The following NBEA variants were observed in gnomAD, a reference collection of about 807,000 sequenced individuals.
The protein encoded by NBEA is lysosomal-trafficking regulator 2.
Under a neutral mutation model 343.4 loss-of-function variants are expected in NBEA, and 44 were observed. The observed-to-expected ratio is 0.13, with a 90% CI of 0.10 to 0.16. The LOEUF (loss-of-function observed/expected upper bound fraction) is 0.16, where lower values mean the gene tolerates loss of function less well. Ranked by LOEUF, NBEA falls within the 10% of genes least tolerant of loss-of-function variation. The probability of loss-of-function intolerance (pLI) is 1.00; values close to 1 mark genes in which losing one functional copy is unlikely to be tolerated. For synonymous variants in NBEA, 1,175 were observed against 1,238.7 expected (o/e 0.95, Z 1.08); for missense variants, 2,555 against 3,631.3 (o/e 0.70, Z 7.62).
At chr13:35,572,959 A>G (rs972219668) in intron 45 of NBEA, among the ~76,000 whole-genome samples, 4 of 152,232 alleles carry the variant, frequency 2.6e-5, no homozygotes, top group Non-Finnish European at 4.4e-5. Context: ...AGTATGGGCA[A>G]AACTACTAGG....
intron 38 of NBEA, among the ~76,000 whole-genome samples, chr13:35,427,545 T>G (rs2044775737): frequency 3.3e-5 from 5 of 152,286 alleles, no homozygotes; most frequent in Admixed American, 1.3e-4. Flanking sequence ...CCGCCCCTAC[T>G]GGGGGGTGCC....
intron 33 of NBEA, among the ~76,000 whole-genome samples, chr13:35,211,437 A>T (rs2073764572): frequency 6.6e-6 from 1 of 152,160 alleles, no homozygotes; most frequent in Non-Finnish European, 1.5e-5. Flanking sequence ...AGTGCATGTT[A>T]CTATTTCCGG....
At chr13:35,284,375 A>G (rs532610835) in intron 34 of NBEA, among the ~76,000 whole-genome samples, 1 of 152,222 alleles carries the variant, frequency 6.6e-6, no homozygotes, top group Admixed American at 6.5e-5. Flanking sequence ...TTTTTTTGTT[A>G]AAATTTATAA....
intron 56 of NBEA, 56 bp from the exon 57 acceptor site, chr13:35,667,318 T>A: frequency 1.4e-6 from 2 of 1,436,836 alleles, no homozygotes. Flanking sequence ...TGGTGGGAGC[T>A]AGTATGTCGT....
intron 40 of NBEA, among the ~76,000 whole-genome samples, chr13:35,468,120 C>T (rs1277543121): frequency 1.4e-5 from 2 of 139,192 alleles, no homozygotes; most frequent in African/African-American, 5.6e-5. Context: ...CCCCCCCCCA[C>T]TCCCCTCCCC....
intron 41 of NBEA, among the ~76,000 whole-genome samples, chr13:35,517,493 T>C (rs2077529038): frequency 6.6e-6 from 1 of 152,212 alleles, no homozygotes; most frequent in Non-Finnish European, 1.5e-5. Context: ...TTTTAAAAGA[T>C]GTCGTGATTC....
intron 40 of NBEA, among the ~76,000 whole-genome samples, chr13:35,460,177 C>G (rs1364151702): frequency 6.6e-6 from 1 of 151,996 alleles, no homozygotes; most frequent in Non-Finnish European, 1.5e-5. Flanking sequence ...CAGAATTTTC[C>G]CCGTATTTTT....
intron 34 of NBEA, among the ~76,000 whole-genome samples, chr13:35,277,724 A>G (rs2034721161): frequency 6.6e-6 from 1 of 151,778 alleles, no homozygotes; most frequent in South Asian, 2.1e-4. Context: ...CACATATTCT[A>G]AAGGAAAAAA....
At chr13:34,983,345 A>T (rs2060427032) in intron 1 of NBEA, among the ~76,000 whole-genome samples, 1 of 152,184 alleles carries the variant, frequency 6.6e-6, no homozygotes, top group East Asian at 1.9e-4. Context: ...CCTGCAAAGG[A>T]CATGAACTCA....
intron 38 of NBEA, among the ~76,000 whole-genome samples, chr13:35,369,371 C>T (rs942103884): frequency 7.9e-5 from 12 of 151,606 alleles, no homozygotes; most frequent in Admixed American, 7.3e-4. Context: ...TCTATTCAAG[C>T]TCTTTTAGGG....
At chr13:35,171,543 A>T in intron 26 of NBEA, 91 bp downstream of exon 26, 1 of 1,006,384 alleles carries the variant, frequency 9.9e-7, no homozygotes. Context: ...TAATGATATA[A>T]GTTGATGATT....
In NBEA at chr13:35,068,506, T is replaced by G. The variant is rs569706222; in HGVS notation, c.1240-1402T>G. 2.0e-5 allele frequency among the ~76,000 whole-genome samples: 3 copies of G among 152,310 alleles called. No individual in the cohort carries two copies. The South Asian group carries it at 6.2e-4, about 32-fold the overall frequency. ...CTGTGTGTTTTAATTCAGTCACTGT[T>G]TTTTTGAATGCAGGTATGCTGAGTT... On this transcript the variant is annotated intron_variant, in intron 8 of 58. Coordinates refer to ENST00000379939, the MANE Select transcript of NBEA (RefSeq NM_001385012.1).
chr13:35,641,293 T>C (rs7998303), intron 49 of NBEA, among the ~76,000 whole-genome samples: 11,397 of 152,138 alleles, frequency 0.075, 512 homozygotes, highest in African/African-American at 0.12. Context: ...CTAAACTTAC[T>C]CCTACCCTAT....
chr13:34,968,711 T>A (rs1252103914), intron 1 of NBEA, among the ~76,000 whole-genome samples: 1 of 152,198 alleles, frequency 6.6e-6, no homozygotes, highest in Non-Finnish European at 1.5e-5. Context: ...ACATTTGAAC[T>A]GTTTCTTCTA....
At chr13:35,247,738 A>C (rs150078314) in intron 34 of NBEA, among the ~76,000 whole-genome samples, 1 of 152,094 alleles carries the variant, frequency 6.6e-6, no homozygotes, top group African/African-American at 2.4e-5. Context: ...TGATAATGTG[A>C]GTCTCCACAT....
intron 41 of NBEA, among the ~76,000 whole-genome samples, chr13:35,501,667 C>T (rs1358381993): frequency 6.6e-6 from 1 of 152,000 alleles, no homozygotes; most frequent in African/African-American, 2.4e-5. Context: ...CCTACCTCAC[C>T]TTTTTTATGT....
intron 45 of NBEA, among the ~76,000 whole-genome samples, chr13:35,578,673 A>G (rs2080864524): frequency 6.6e-6 from 1 of 152,188 alleles, no homozygotes; most frequent in South Asian, 2.1e-4. Context: ...TGTGAAGACA[A>G]TATGTTATAC....
In NBEA at chr13:35,045,328, T is replaced by C; in HGVS notation, c.650T>C (p.Leu217Ser). The change falls in exon 4 of 59, where the codon TTA (leucine) becomes TCA (serine). Residue 217 changes from leucine to serine, a missense_variant. Leu to Ser is a moderately radical substitution (Grantham distance 145). Transcript: ENST00000379939. ...GIWPRHAVKL[L>S]SVLNQMPQRH... ...CAGCCAAGACATGCAGTAAAATTAT[T>C]ATCAGTTCTTAATCAGATGCCACAG... 2 of 1,610,492 alleles carry C rather than the reference T, an allele frequency of 1.2e-6. No individual in the cohort carries two copies. Among genetic ancestry groups the C allele is most frequent in the Non-Finnish European group, 8.5e-7 (1 of 1,178,640 alleles).
At chr13:35,362,066 TA>T (rs1026396869) in intron 38 of NBEA, among the ~76,000 whole-genome samples, 2 of 151,986 alleles carry the variant, frequency 1.3e-5, no homozygotes, top group African/African-American at 4.8e-5. Context: ...TTTAAAACTT[TA>T]AAAAAATACA....
Sources: allele counts gnomAD v4.1 joint callset (sites outside exome capture counted in the v4.1 genomes callset), GRCh38; gene constraint gnomAD v4.1.1; transcripts MANE v1.5; gene names NCBI Gene and HGNC (gene_info 2026-07-23, HGNC 2026-07-21).